The following LIG3 variants were observed in gnomAD, a reference collection of about 807,000 sequenced individuals.
The protein encoded by LIG3 is DNA ligase 3.
Under a neutral mutation model 110.9 loss-of-function variants are expected in LIG3, and 58 were observed. The ratio of observed to expected loss-of-function variants is 0.52; its 90% CI spans 0.42 to 0.65. The LOEUF (loss-of-function observed/expected upper bound fraction) is 0.65, where lower values mean the gene tolerates loss of function less well. LIG3 is among the 30% of genes least tolerant of loss of function. The pLI, the probability that LIG3 is intolerant of heterozygous loss-of-function variation, is 0.00. For synonymous variants in LIG3, 422 were observed against 472.8 expected, an observed-to-expected ratio of 0.89 and a Z score of 1.39; for missense variants, 1,094 against 1,273.8, an observed-to-expected ratio of 0.86 and a Z score of 2.15.
intron 5 of LIG3, 96 bp from the exon 6 acceptor site, chr17:34,991,575 A>G: frequency 8.1e-7 from 1 of 1,227,838 alleles, no homozygotes; most frequent in South Asian, 1.3e-5. Context: ...AGGAGCTATG[A>G]TTGAAATTTC....
chr17:34,984,853 C>T (rs912952465), intron 2 of LIG3, among the ~76,000 whole-genome samples: 1 of 151,954 alleles, frequency 6.6e-6, no homozygotes, highest in African/African-American at 2.4e-5. Context: ...TCTTAGCTCA[C>T]TGCAACCTCT....
chr17:34,998,566 C>T, intron 13 of LIG3, 38 bp from the exon 14 acceptor site: 2 of 1,610,112 alleles, frequency 1.2e-6, no homozygotes, highest in Non-Finnish European at 1.7e-6. Flanking sequence ...CATGGAGTTG[C>T]CTTTCTATTC....
chr17:35,003,740 C>G (rs3136034), intron 19 of LIG3: 12 of 157,620 alleles, frequency 7.6e-5, no homozygotes, highest in African/African-American at 2.9e-4. Context: ...TGCGCCCCCA[C>G]GCTCCCCACC....
rs936377186 is a variant in LIG3 at position 34,998,355 on chromosome 17, C to T, written c.1989+59C>T. ...TCACTCGCAGCCCTCTCCCCTGAGC[C>T]TTTCCAGCCCTGACCAGGAGATGGC... On this transcript the variant is annotated intron_variant, in intron 13 of 19. Transcript: ENST00000378526. The T allele has an allele frequency of 1.1e-5, 16 of 1,456,214 alleles. No homozygotes were observed. The African/African-American group carries it at 2.2e-4, about 20-fold the overall frequency. 90.2% of individuals were successfully genotyped at this position (1,456,214 alleles called of 1,614,324 possible).
intron 18 of LIG3, 31 bp from the exon 19 acceptor site, chr17:35,002,637 C>T (rs766953001): frequency 3.1e-5 from 49 of 1,603,252 alleles, no homozygotes; most frequent in Non-Finnish European, 4.2e-5. Context: ...AGGTGTGCAC[C>T]ACCACACCCA....
In LIG3 at chr17:35,005,684, T is replaced by G. The variant is rs754207121; in HGVS notation, c.*1178T>G. ...TTGGATTCGTCTGTGTCCTACTGAG[T>G]TTTTTCATGGCTGGAGTATTCATGT... On this transcript the variant is annotated 3_prime_UTR_variant, in exon 20 of 20. Coordinates refer to ENST00000378526, the MANE Select transcript of LIG3 (RefSeq NM_013975.4). 5 of 562,262 alleles carry G rather than the reference T, an allele frequency of 8.9e-6. No homozygotes were observed. The highest frequency in any genetic ancestry group is 7.6e-5 in the African/African-American group (4 of 52,958). The allele number at this position is 562,262 out of a possible 1,614,324, so 34.8% of individuals were successfully genotyped here.
chr17:34,986,194 G>A (rs540262419), intron 3 of LIG3, 63 bp downstream of exon 3: 4 of 1,529,322 alleles, frequency 2.6e-6, no homozygotes, highest in African/African-American at 2.7e-5. Context: ...TTCTACCTAG[G>A]ATTCTGGCTA....
At chr17:34,993,203 C>T (rs545553743) in intron 8 of LIG3, among the ~76,000 whole-genome samples, 2 of 152,322 alleles carry the variant, frequency 1.3e-5, no homozygotes, top group East Asian at 3.9e-4. Context: ...GGCCTCTGCT[C>T]ATTTCGTAAG....
At chr17:34,990,896 C>A in intron 4 of LIG3, 67 bp from the exon 5 acceptor site, 1 of 1,526,476 alleles carries the variant, frequency 6.6e-7, no homozygotes, top group Non-Finnish European at 9.0e-7. Flanking sequence ...CTTGCCCAGC[C>A]TTCTTTGAGT....
At position 34,996,262 on chromosome 17, in the gene LIG3, G is replaced by A. The variant is rs1368650186; in HGVS notation, c.1743+67G>A. The A allele has an allele frequency of 1.7e-5, 26 of 1,538,188 alleles. No homozygotes were observed. The Admixed American group carries it at 2.3e-4, about 14-fold the overall frequency. On this transcript the variant is annotated intron_variant, in intron 10 of 19. Coordinates refer to ENST00000378526, the MANE Select transcript of LIG3 (RefSeq NM_013975.4). ...AGTGAGTATGTACATGTGGGTGCAC[G>A]CTGCGGTCTGAAAAGGGAGGAAATA...
At chr17:34,991,509 G>T in intron 5 of LIG3, 162 bp from the exon 6 acceptor site, 1 of 686,476 alleles carries the variant, frequency 1.5e-6, no homozygotes, top group East Asian at 2.7e-5. Flanking sequence ...CCCCTTCTAG[G>T]AATTGTGGAT....
rs1443596517 is a variant in LIG3 at position 34,997,722 on chromosome 17, C to T, written c.1824-16C>T. On this transcript the variant is annotated splice_polypyrimidine_tract_variant and intron_variant, in intron 11 of 19. Transcript: ENST00000378526. ...GGAGGATCCCGGCCTAACCTCAGCT[C>T]TCCTGTTCTCCTCAGACCTCTGTGT... The T allele has an allele frequency of 6.2e-7, 1 of 1,604,020 alleles. No homozygotes were observed. Among genetic ancestry groups the T allele is most frequent in the African/African-American group, 1.3e-5 (1 of 74,860 alleles).
In LIG3 at chr17:34,983,004, A is replaced by AT. The variant is rs1597788135; in HGVS notation, c.-1dup. 3 of 1,536,096 alleles carry AT rather than the reference A, an allele frequency of 2.0e-6. No homozygotes were observed. Among genetic ancestry groups the AT allele is most frequent in the South Asian group, 2.5e-5 (2 of 79,720 alleles). On this transcript the variant is annotated 5_prime_UTR_variant, in exon 2 of 20. Transcript: ENST00000378526. ...TGGCCTCCTACTCTTTCGTACAGCT[A>AT]TATGTCTTTGGCTTTCAAGATCTTC...
Position 34,983,330 on chromosome 17 carries a change from A to G in LIG3, c.325A>G (p.Lys109Glu). ...KRGTAGCKKCKEKIVKGVCRI... is the reference protein window; with the variant it reads ...KRGTAGCKKCEEKIVKGVCRI... ...TGGCACAGCTGGCTGCAAAAAATGC[A>G]AGGAAAAGATTGTGAAGGGCGTATG... is the stretch of plus-strand genomic sequence containing the variant. Residue 109 changes from lysine to glutamate, a missense_variant, in exon 2 of 20, where the codon AAG becomes GAG. Coordinates refer to ENST00000378526, the MANE Select transcript of LIG3 (RefSeq NM_013975.4). 6.2e-7 allele frequency: 1 copy of G among 1,614,226 alleles called. No homozygotes were observed. Among genetic ancestry groups the G allele is most frequent in the Non-Finnish European group, 8.5e-7 (1 of 1,180,038 alleles).
chr17:34,991,003 G>A lies in LIG3; in HGVS notation c.930G>A (p.Leu310=). The A allele has an allele frequency of 6.2e-7, 1 of 1,614,156 alleles. No individual in the cohort carries two copies. Among genetic ancestry groups the A allele is most frequent in the East Asian group, 2.2e-5 (1 of 44,882 alleles). Residue 310 remains leucine, a synonymous_variant, in exon 5 of 20, where the codon CTG becomes CTA. Coordinates refer to ENST00000378526, the MANE Select transcript of LIG3 (RefSeq NM_013975.4). ...HGDVYLTVKL[L]LPGVIKTVYN... Reference sequence around the variant, plus strand: ...ATGTGTACCTAACAGTGAAGCTGCTGCTGCCAGGAGTCATTAAGACTGTTT... The same window carrying A: ...ATGTGTACCTAACAGTGAAGCTGCTACTGCCAGGAGTCATTAAGACTGTTT...
At position 34,996,587 on chromosome 17, in the gene LIG3, A is replaced by G. The variant is rs749058293; in HGVS notation, c.1757A>G (p.Gln586Arg). The G allele has an allele frequency of 4.3e-6, 7 of 1,613,868 alleles. No homozygotes were observed. The East Asian group carries it at 1.6e-4, about 36-fold the overall frequency. Residue 586 changes from glutamine (Q) to arginine (R), a missense_variant, in exon 11 of 20, where the codon CAG becomes CGG. Coordinates refer to ENST00000378526, the MANE Select transcript of LIG3 (RefSeq NM_013975.4). ...TLGVHKKAAF[Q>R]DANVCLFVFD... ...TTTCCCTTACAGAAAGCAGCCTTCC[A>G]GGATGCTAATGTCTGCCTGTTTGTT...
In LIG3 at chr17:34,992,031, CAT is replaced by C. The variant is rs757640767; in HGVS notation, c.1283_1284del (p.His428ArgfsTer6). The C allele has an allele frequency of 3.9e-5, 63 of 1,613,760 alleles. No homozygotes were observed. The highest frequency in any genetic ancestry group is 5.3e-5 in the African/African-American group (4 of 74,934). ...TCTGAAGATGAACTCAGGTGCAAAACATGTGTAAGTAGCAGCTCCGCTGACAG... is the reference window on the plus strand; with the variant it reads ...TCTGAAGATGAACTCAGGTGCAAAACGTGTAAGTAGCAGCTCCGCTGACAG... ...HDLKMNSGAK[H>X]VLDALDPNAY... On this transcript the variant is annotated frameshift_variant and splice_region_variant, in exon 7 of 20. Coordinates refer to ENST00000378526, the MANE Select transcript of LIG3 (RefSeq NM_013975.4). LOFTEE classifies it high-confidence loss of function.
In LIG3 at chr17:34,980,617, A is replaced by T. The variant is rs966890244; in HGVS notation, c.-10A>T. Reference sequence around the variant, plus strand: ...CCTACGGTGAGCGCCGGAGCCGGAGAGGCAGGTGAGGGGCTACGCGGCGCG... The same window carrying T: ...CCTACGGTGAGCGCCGGAGCCGGAGTGGCAGGTGAGGGGCTACGCGGCGCG... On this transcript the variant is annotated 5_prime_UTR_variant, in exon 1 of 20. Coordinates refer to ENST00000378526, the MANE Select transcript of LIG3 (RefSeq NM_013975.4). 184 of 1,283,818 alleles carry T rather than the reference A, an allele frequency of 1.4e-4. No homozygotes were observed. Among genetic ancestry groups the T allele is most frequent in the Non-Finnish European group, 1.7e-4 (168 of 986,114 alleles). The allele number at this position is 1,283,818 out of a possible 1,614,324, so 79.5% of individuals were successfully genotyped here.
chr17:35,003,092 C>T (rs770878844), intron 19 of LIG3: 3 of 1,613,104 alleles, frequency 1.9e-6, no homozygotes, highest in South Asian at 1.1e-5. Flanking sequence ...ACTCACTCAG[C>T]TGCTGGCCCC....
Sources: gnomAD v4.1 joint callset for allele counts (sites outside exome capture counted in the v4.1 genomes callset) on GRCh38, gnomAD v4.1.1 for gene constraint, MANE v1.5 for transcripts, NCBI Gene and HGNC (gene_info 2026-07-23, HGNC 2026-07-21) for gene names.